CDH8: variants seen among roughly 807,000 people sequenced by gnomAD.
CDH8 encodes the protein cadherin-8.
In CDH8, 17 loss-of-function variants were observed where a neutral mutation model predicts 68.1. The ratio of observed to expected loss-of-function variants is 0.25; its 90% CI spans 0.17 to 0.37. The LOEUF (loss-of-function observed/expected upper bound fraction) is 0.37, where lower values mean the gene tolerates loss of function less well. Among genes scored for constraint, CDH8 ranks in the 10% least tolerant of loss-of-function variants. CDH8 has a pLI of 1.00. For synonymous variants in CDH8, 372 were observed against 365.1 expected (o/e 1.02, Z -0.21); for missense variants, 763 against 999.3 (o/e 0.76, Z 3.19).
intron 10 of CDH8, among the ~76,000 whole-genome samples, chr16:61,680,712 T>A (rs1963997029): frequency 6.6e-6 from 1 of 151,926 alleles, no homozygotes. Flanking sequence ...ACTTGAGTCA[T>A]CTGTTTTCTG....
chr16:61,873,256 T>C (rs1489974085), intron 3 of CDH8, among the ~76,000 whole-genome samples: 1 of 152,144 alleles, frequency 6.6e-6, no homozygotes, highest in Non-Finnish European at 1.5e-5. Flanking sequence ...AAGCCTAAAT[T>C]AGGTTGAAGT....
intron 10 of CDH8, among the ~76,000 whole-genome samples, chr16:61,662,029 AT>A (rs1963568435): frequency 1.6e-5 from 2 of 127,660 alleles, no homozygotes; most frequent in African/African-American, 5.8e-5. Flanking sequence ...TTCTTGGAAG[AT>A]TTTTTAATTG....
intron 2 of CDH8, among the ~76,000 whole-genome samples, chr16:62,016,407 A>G (rs1179951835): frequency 6.6e-6 from 1 of 152,206 alleles, no homozygotes; most frequent in Non-Finnish European, 1.5e-5. Context: ...GGTTGTATCA[A>G]TCACCGTCCT....
At chr16:61,845,524 T>C (rs1271396525) in intron 4 of CDH8, among the ~76,000 whole-genome samples, 1 of 123,602 alleles carries the variant, frequency 8.1e-6, no homozygotes, top group East Asian at 2.6e-4. Context: ...AAAAAAAAAC[T>C]ATCTAATTAT....
chr16:61,809,851 G>T (rs1354275471), intron 7 of CDH8, among the ~76,000 whole-genome samples: 1 of 152,140 alleles, frequency 6.6e-6, no homozygotes, highest in African/African-American at 2.4e-5. Context: ...ATGCACCTTA[G>T]CAACTCACCT....
intron 2 of CDH8, among the ~76,000 whole-genome samples, chr16:61,952,662 G>A (rs1040069927): frequency 6.6e-6 from 1 of 152,166 alleles, no homozygotes; most frequent in Non-Finnish European, 1.5e-5. Flanking sequence ...TGAAGAGGTT[G>A]CATGATCTGC....
intron 6 of CDH8, among the ~76,000 whole-genome samples, chr16:61,818,654 A>G (rs1053389707): frequency 2.6e-5 from 4 of 152,222 alleles, no homozygotes; most frequent in South Asian, 4.1e-4. Flanking sequence ...GCCCACGTGC[A>G]TTAGCACCTT....
At chr16:61,724,474 G>C (rs1959284977) in intron 9 of CDH8, among the ~76,000 whole-genome samples, 1 of 150,580 alleles carries the variant, frequency 6.6e-6, no homozygotes, top group South Asian at 2.1e-4. Flanking sequence ...GGTCCAGAGA[G>C]TTTATACAGC....
At chr16:61,895,973 A>G (rs929308385) in intron 3 of CDH8, among the ~76,000 whole-genome samples, 1 of 151,998 alleles carries the variant, frequency 6.6e-6, no homozygotes, top group Non-Finnish European at 1.5e-5. Flanking sequence ...TTGGAGCCAA[A>G]TAACCTGCAA....
intron 8 of CDH8, among the ~76,000 whole-genome samples, chr16:61,777,782 C>T (rs1429615889): frequency 1.3e-5 from 2 of 152,110 alleles, no homozygotes; most frequent in African/African-American, 4.8e-5. Context: ...CGCAGAATTA[C>T]ATCCATTTTG....
At chr16:61,888,408 A>T (rs911777043) in intron 3 of CDH8, among the ~76,000 whole-genome samples, 2 of 152,124 alleles carry the variant, frequency 1.3e-5, no homozygotes, top group African/African-American at 4.8e-5. Context: ...CAGAAGCAAC[A>T]GCTTTGCACA....
chr16:62,007,927 C>T (rs1020459851), intron 2 of CDH8, among the ~76,000 whole-genome samples: 8 of 151,840 alleles, frequency 5.3e-5, no homozygotes, highest in African/African-American at 1.9e-4. Context: ...GCTCTAGGCT[C>T]CTTTTTTAAA....
At chr16:61,883,071 C>T (rs780178115) in intron 3 of CDH8, among the ~76,000 whole-genome samples, 2 of 152,128 alleles carry the variant, frequency 1.3e-5, no homozygotes, top group Non-Finnish European at 2.9e-5. Context: ...GGGTAAGCCT[C>T]AAGGTTGCAA....
chr16:61,917,419 A>G (rs1369355351), intron 2 of CDH8, among the ~76,000 whole-genome samples: 1 of 152,108 alleles, frequency 6.6e-6, no homozygotes, highest in Non-Finnish European at 1.5e-5. Flanking sequence ...TACAAACAAG[A>G]TGCCCTTCAA....
intron 2 of CDH8, among the ~76,000 whole-genome samples, chr16:61,923,359 G>A (rs1424066162): frequency 6.6e-6 from 1 of 152,050 alleles, no homozygotes; most frequent in South Asian, 2.1e-4. Context: ...AATTGATAAT[G>A]GACATCCGCA....
At chr16:61,946,621 G>A (rs146970812) in intron 2 of CDH8, among the ~76,000 whole-genome samples, 3 of 152,284 alleles carry the variant, frequency 2.0e-5, no homozygotes, top group Admixed American at 6.5e-5. Context: ...GGAAACTGGC[G>A]TTTGATAGGT....
At chr16:62,002,194 A>T (rs1422380533) in intron 2 of CDH8, among the ~76,000 whole-genome samples, 1 of 152,194 alleles carries the variant, frequency 6.6e-6, no homozygotes, top group East Asian at 1.9e-4. Context: ...ATTGATTTTG[A>T]AAAAAAGAAA....
rs114676142 is a variant in CDH8 at position 61,708,512 on chromosome 16, A to G, written c.1654+5329T>C. On this transcript the variant is annotated intron_variant, in intron 10 of 11. Coordinates refer to ENST00000577390, the MANE Select transcript of CDH8 (RefSeq NM_001796.5). Reference sequence around the variant, plus strand: ...TTAGAAAGAAAATGAAAATATGAAAACTACAAAATAACAAGAGTTTTACAA... The same window carrying G: ...TTAGAAAGAAAATGAAAATATGAAAGCTACAAAATAACAAGAGTTTTACAA... Among the ~76,000 whole-genome samples the G allele has an allele frequency of 3.1e-3, 476 of 152,286 alleles. 2 individuals carry two copies. The highest frequency in any genetic ancestry group is 0.011 in the African/African-American group (443 of 41,570).
chr16:61,980,314 T>C (rs1434585530), intron 2 of CDH8, among the ~76,000 whole-genome samples: 1 of 152,168 alleles, frequency 6.6e-6, no homozygotes, highest in Non-Finnish European at 1.5e-5. Context: ...GGCAGCACAA[T>C]GTGAATGGTG....
Sources: allele counts gnomAD v4.1 joint callset (sites outside exome capture counted in the v4.1 genomes callset), GRCh38; gene constraint gnomAD v4.1.1; transcripts MANE v1.5; gene names NCBI Gene and HGNC (gene_info 2026-07-23, HGNC 2026-07-21).